The following DROSHA variants were observed in gnomAD, a reference collection of about 807,000 sequenced individuals.
DROSHA encodes the protein drosha ribonuclease III.
DROSHA carries 56 observed loss-of-function variants against 181.9 expected under a neutral mutation model. The observed-to-expected ratio is 0.31, with a 90% CI of 0.25 to 0.38. DROSHA has a LOEUF of 0.38. Among genes scored for constraint, DROSHA ranks in the 10% least tolerant of loss-of-function variants. The probability of loss-of-function intolerance (pLI) is 1.00; values close to 1 mark genes in which losing one functional copy is unlikely to be tolerated. For synonymous variants in DROSHA, 524 were observed against 591.2 expected (o/e 0.89, Z 1.65); for missense variants, 1,218 against 1,743.5 (o/e 0.70, Z 5.37).
intron 3 of DROSHA, among the ~76,000 whole-genome samples, chr5:31,529,596 G>A (rs1297845271): frequency 1.3e-5 from 2 of 151,942 alleles, no homozygotes; most frequent in Admixed American, 6.6e-5. Flanking sequence ...TTAGCCGGGC[G>A]TGGTGGTGGG....
chr5:31,513,773 G>A (rs916601173), intron 8 of DROSHA, among the ~76,000 whole-genome samples: 1 of 151,834 alleles, frequency 6.6e-6, no homozygotes, highest in African/African-American at 2.4e-5. Context: ...AACTTTTCAT[G>A]CCCGAAATCT....
intron 16 of DROSHA, among the ~76,000 whole-genome samples, chr5:31,475,295 A>T (rs1750236319): frequency 6.6e-6 from 1 of 152,176 alleles, no homozygotes; most frequent in Non-Finnish European, 1.5e-5. Context: ...TCCAACCTGG[A>T]GAACAAAGTA....
intron 21 of DROSHA, 63 bp from the exon 22 acceptor site, chr5:31,449,482 G>A (rs777206493): frequency 9.9e-6 from 15 of 1,511,808 alleles, no homozygotes; most frequent in African/African-American, 2.8e-5. Flanking sequence ...AGTGGCTCAC[G>A]CCTGTAATCC....
intron 16 of DROSHA, among the ~76,000 whole-genome samples, chr5:31,479,249 T>C (rs927509127): frequency 4.6e-5 from 7 of 152,344 alleles, no homozygotes; most frequent in Non-Finnish European, 7.4e-5. Context: ...CATTTACCCA[T>C]TTTCACATGT....
chr5:31,472,160 G>A lies in DROSHA; in HGVS notation c.2144C>T (p.Pro715Leu). The change falls in exon 17 of 36, where the codon CCT (proline) becomes CTT (leucine). Residue 715 changes from proline (P) to leucine (L), a missense_variant. Pro to Leu is a moderately conservative substitution (Grantham distance 98). Transcript: ENST00000344624. ...YLLRCSKALVPEEEIANMLQW... is the reference protein window; with the variant it reads ...YLLRCSKALVLEEEIANMLQW... ...AAGCATATTGGCAATCTCCTCCTCA[G>A]GCACCAGGGCTTTGCTGCACCTTAA... 1.2e-6 allele frequency: 2 copies of A among 1,613,840 alleles called. No individual in the cohort carries two copies. Among genetic ancestry groups the A allele is most frequent in the South Asian group, 1.1e-5 (1 of 91,066 alleles).
intron 23 of DROSHA, among the ~76,000 whole-genome samples, 185 bp downstream of exon 23, chr5:31,448,362 G>T (rs1488708310): frequency 6.6e-6 from 1 of 152,182 alleles, no homozygotes; most frequent in Non-Finnish European, 1.5e-5. Context: ...AACATGGGAA[G>T]AGATTACTAA....
chr5:31,456,767 G>T (rs1370461710), intron 20 of DROSHA, among the ~76,000 whole-genome samples: 3 of 152,042 alleles, frequency 2.0e-5, no homozygotes, highest in Non-Finnish European at 4.4e-5. Flanking sequence ...TTGTGGTTTG[G>T]TTTTGTTTTT....
chr5:31,439,916 G>A (rs944303270), intron 23 of DROSHA, among the ~76,000 whole-genome samples: 2 of 152,160 alleles, frequency 1.3e-5, no homozygotes, highest in African/African-American at 4.8e-5. Flanking sequence ...GGCATGAGCA[G>A]AAGCTGGCCT....
chr5:31,502,862 C>G (rs1737454634), intron 11 of DROSHA, among the ~76,000 whole-genome samples: 1 of 152,188 alleles, frequency 6.6e-6, no homozygotes. Flanking sequence ...GAGTTTCAGG[C>G]AGTGTACCTG....
chr5:31,472,764 G>A (rs541558170), intron 16 of DROSHA, among the ~76,000 whole-genome samples: 4 of 152,308 alleles, frequency 2.6e-5, no homozygotes, highest in South Asian at 2.1e-4. Flanking sequence ...GATGAACAGA[G>A]CTAAAGAGCC....
chr5:31,462,667 GA>G (rs398108781), intron 20 of DROSHA, among the ~76,000 whole-genome samples: 110 of 132,800 alleles, frequency 8.3e-4, no homozygotes, highest in South Asian at 3.8e-3. Context: ...CAATGCTTCA[GA>G]AAAAAAAAAA....
At chr5:31,511,225 T>C in intron 8 of DROSHA, 49 bp from the exon 9 acceptor site, 1 of 1,529,766 alleles carries the variant, frequency 6.5e-7, no homozygotes, top group Non-Finnish European at 8.9e-7. Context: ...ATAACGATCA[T>C]ATCAAAGATA....
rs1372153673 is a variant in DROSHA, at chr5:31,514,485, T to TA, written c.1290+502dup. On this transcript the variant is annotated intron_variant, in intron 8 of 35. Coordinates refer to ENST00000344624, the MANE Select transcript of DROSHA (RefSeq NM_001382508.1). The surrounding 1 kb of genome is among the most constrained non-coding windows in gnomAD (Gnocchi z 4.4). ...GTATGACCTCATCTCTACTAAAAAA[T>TA]AAAAAAAAATTAGCCAGTCATGGTG... Among the ~76,000 whole-genome samples the TA allele has an allele frequency of 2.0e-5, 3 of 150,388 alleles. No homozygotes were observed. Among genetic ancestry groups the TA allele is most frequent in the East Asian group, 3.9e-4 (2 of 5,108 alleles).
intron 3 of DROSHA, 134 bp from the exon 4 acceptor site, chr5:31,529,239 A>T: frequency 1.4e-6 from 1 of 723,010 alleles, no homozygotes; most frequent in Admixed American, 2.9e-5. Flanking sequence ...AATTAAAAGC[A>T]TGTTGAACTG....
chr5:31,502,395 T>C (rs919970618), intron 11 of DROSHA, among the ~76,000 whole-genome samples: 4 of 152,192 alleles, frequency 2.6e-5, no homozygotes, highest in Non-Finnish European at 2.9e-5. Flanking sequence ...CCATCTATAG[T>C]GAAGAATTAT....
At position 31,451,685 on chromosome 5, in the gene DROSHA, T is replaced by C. The variant is rs1747060999; in HGVS notation, c.2575-45A>G. On this transcript the variant is annotated intron_variant, in intron 20 of 35. Transcript: ENST00000344624. ...ATATGTTTAACTTTATAAAAACTTA[T>C]AAAGTCACTTCATTTATTTTACAAC... is the stretch of plus-strand genomic sequence containing the variant. The C allele has an allele frequency of 2.8e-6, 4 of 1,426,758 alleles. No homozygotes were observed. The Admixed American group carries it at 6.0e-5, about 21-fold the overall frequency. 88.4% of individuals were successfully genotyped at this position (1,426,758 alleles called of 1,614,324 possible).
chr5:31,455,425 G>A (rs759288854), intron 20 of DROSHA, among the ~76,000 whole-genome samples: 33 of 151,782 alleles, frequency 2.2e-4, no homozygotes, highest in African/African-American at 7.5e-4. Flanking sequence ...ATAATGAAAC[G>A]TGTAATACAA....
intron 30 of DROSHA, among the ~76,000 whole-genome samples, chr5:31,419,332 A>G (rs111303793): frequency 3.8e-4 from 58 of 152,368 alleles, no homozygotes; most frequent in African/African-American, 1.4e-3. Context: ...AAGCCTTCAC[A>G]TAATTTTATC....
intron 28 of DROSHA, 140 bp downstream of exon 28, chr5:31,424,287 G>A (rs1482035091): frequency 6.5e-6 from 7 of 1,077,132 alleles, no homozygotes; most frequent in Non-Finnish European, 9.6e-6. Flanking sequence ...AAGTTTTCCA[G>A]GTCTGACACC....
Sources: allele counts gnomAD v4.1 joint callset (sites outside exome capture counted in the v4.1 genomes callset), GRCh38; gene constraint gnomAD v4.1.1; non-coding constraint Gnocchi (gnomAD v3.1); transcripts MANE v1.5; gene names NCBI Gene and HGNC (gene_info 2026-07-23, HGNC 2026-07-21).